Variants in NAV3 observed in about 807,000 individuals in gnomAD.
The protein encoded by NAV3 is neuron navigator 3.
NAV3 carries 87 observed loss-of-function variants against 244.7 expected under a neutral mutation model. The ratio of observed to expected loss-of-function variants is 0.36; its 90% confidence interval spans 0.30 to 0.42. The LOEUF (loss-of-function observed/expected upper bound fraction) is 0.42. Ranked by LOEUF, NAV3 falls within the 20% of genes least tolerant of loss-of-function variation. The pLI, the probability that NAV3 is intolerant of heterozygous loss-of-function variation, is 1.00. For synonymous variants in NAV3, 1,126 were observed against 1,042.2 expected (o/e 1.08, Z -1.55); for missense variants, 2,663 against 2,893.3 (o/e 0.92, Z 1.83).
chr12:78,037,157 C>A (rs1379289035), intron 9 of NAV3: 1 of 703,014 alleles, frequency 1.4e-6, no homozygotes, highest in South Asian at 1.5e-5. Flanking sequence ...GCCAGTCAGA[C>A]AGTGAAGACT....
chr12:78,081,153 C>G (rs1390527151), intron 12 of NAV3, among the ~76,000 whole-genome samples: 2 of 152,044 alleles, frequency 1.3e-5, no homozygotes, highest in South Asian at 2.1e-4. Flanking sequence ...TCAGTTAGGT[C>G]TATTGTTATA....
At chr12:77,720,638 A>G (rs977892877) in intron 2 of NAV3, among the ~76,000 whole-genome samples, 2 of 152,108 alleles carry the variant, frequency 1.3e-5, no homozygotes, top group East Asian at 3.9e-4. Flanking sequence ...TTAGATGCAA[A>G]CTCCAATTCT....
chr12:77,725,548 C>T (rs1254515351), intron 2 of NAV3, among the ~76,000 whole-genome samples: 1 of 151,090 alleles, frequency 6.6e-6, no homozygotes. Flanking sequence ...CCCAATGCTG[C>T]AAACTATACT....
intron 2 of NAV3, among the ~76,000 whole-genome samples, chr12:77,599,075 T>C (rs1870303524): frequency 6.6e-6 from 1 of 151,962 alleles, no homozygotes; most frequent in Admixed American, 6.6e-5. Flanking sequence ...TCTCTGCTTC[T>C]ATGAGTGTAA....
At chr12:77,823,172 G>A (rs968684231) in intron 2 of NAV3, among the ~76,000 whole-genome samples, 1 of 152,114 alleles carries the variant, frequency 6.6e-6, no homozygotes. Context: ...CAGAAGTTTT[G>A]CTGACCCTTA....
chr12:77,766,751 T>G (rs1055997727), intron 2 of NAV3, among the ~76,000 whole-genome samples: 1,572 of 39,264 alleles, frequency 0.04, 124 homozygotes, highest in Non-Finnish European at 0.062. Flanking sequence ...TTTTTTTTTT[T>G]TTTTTTTTTT....
intron 2 of NAV3, among the ~76,000 whole-genome samples, chr12:77,724,367 G>A (rs1336229131): frequency 6.6e-6 from 1 of 151,832 alleles, no homozygotes. Context: ...ATTCTAGAAG[G>A]AAACTTACAA....
At chr12:78,059,497 C>T (rs1275049410) in intron 12 of NAV3, among the ~76,000 whole-genome samples, 1 of 152,056 alleles carries the variant, frequency 6.6e-6, no homozygotes, top group Non-Finnish European at 1.5e-5. Flanking sequence ...CCATGTTGGT[C>T]AGGATGGTCT....
intron 22 of NAV3, among the ~76,000 whole-genome samples, chr12:78,154,694 ACC>A (rs1957231391): frequency 6.6e-6 from 1 of 151,876 alleles, no homozygotes; most frequent in Non-Finnish European, 1.5e-5. Context: ...TTTTACTCTG[ACC>A]TTAAAATTAT....
chr12:77,883,444 G>C (rs1485433811), intron 1 of NAV3, among the ~76,000 whole-genome samples: 1 of 151,926 alleles, frequency 6.6e-6, no homozygotes, highest in Admixed American at 6.6e-5. Flanking sequence ...TACTAGATAG[G>C]TTAGACAAAG....
intron 1 of NAV3, among the ~76,000 whole-genome samples, chr12:77,928,058 T>TA (rs1888391904): frequency 1.3e-5 from 2 of 151,632 alleles, no homozygotes; most frequent in South Asian, 4.2e-4. Flanking sequence ...CCATCTCTAC[T>TA]AAAAATACAC....
intron 35 of NAV3, among the ~76,000 whole-genome samples, 196 bp downstream of exon 35, chr12:78,197,597 C>T (rs1414905915): frequency 6.6e-6 from 1 of 151,698 alleles, no homozygotes; most frequent in Non-Finnish European, 1.5e-5. Context: ...TGATTAACTC[C>T]AGCTAATTAA....
At chr12:77,621,574 G>A (rs779652570) in intron 2 of NAV3, among the ~76,000 whole-genome samples, 6 of 143,938 alleles carry the variant, frequency 4.2e-5, no homozygotes, top group Non-Finnish European at 9.1e-5. Context: ...TCCACCTCCC[G>A]TGTCAAGCGA....
At chr12:78,141,460 A>T (rs990000653) in intron 20 of NAV3, among the ~76,000 whole-genome samples, 1 of 152,188 alleles carries the variant, frequency 6.6e-6, no homozygotes, top group East Asian at 1.9e-4. Flanking sequence ...TGTAAGGTTC[A>T]TGAAGAGTTC....
At chr12:77,816,209 T>C (rs1759117667) in intron 2 of NAV3, among the ~76,000 whole-genome samples, 1 of 152,216 alleles carries the variant, frequency 6.6e-6, no homozygotes, top group Non-Finnish European at 1.5e-5. Flanking sequence ...TCTGGAAACA[T>C]AGACCATGAT....
intron 2 of NAV3, among the ~76,000 whole-genome samples, chr12:77,714,022 AT>A (rs1299316790): frequency 2.0e-5 from 3 of 152,164 alleles, no homozygotes; most frequent in African/African-American, 7.2e-5. Context: ...GAAAATATAC[AT>A]TTTTTTGCAG....
intron 5 of NAV3, among the ~76,000 whole-genome samples, chr12:77,976,959 G>A (rs942549808): frequency 1.2e-4 from 18 of 152,074 alleles, no homozygotes; most frequent in African/African-American, 4.3e-4. Flanking sequence ...ACAGGCGTGA[G>A]CCACCACACC....
intron 8 of NAV3, among the ~76,000 whole-genome samples, chr12:78,016,072 T>C (rs142241852): frequency 1.3e-4 from 20 of 152,210 alleles, no homozygotes; most frequent in African/African-American, 4.8e-4. Flanking sequence ...AGAATTTTCT[T>C]TCTTTATGGC....
At chr12:78,007,562 T>C (rs1874460692) in intron 8 of NAV3, 117 bp downstream of exon 8, 2 of 1,143,502 alleles carry the variant, frequency 1.7e-6, no homozygotes, top group Admixed American at 5.5e-5. Context: ...GAGTAAAGTT[T>C]CATGCTAAAG....
Sources: gnomAD v4.1 joint callset for allele counts (sites outside exome capture counted in the v4.1 genomes callset) on GRCh38, gnomAD v4.1.1 for gene constraint, MANE v1.5 for transcripts, NCBI Gene and HGNC (gene_info 2026-07-23, HGNC 2026-07-21) for gene names.